The following EIF2AK4 variants were observed in gnomAD, a reference collection of about 807,000 sequenced individuals.
The protein encoded by EIF2AK4 is eIF-2-alpha kinase GCN2.
EIF2AK4 carries 139 observed loss-of-function variants against 211.1 expected under a neutral mutation model. The observed-to-expected ratio is 0.66, with a 90% confidence interval of 0.57 to 0.76. The LOEUF (loss-of-function observed/expected upper bound fraction) is 0.76. EIF2AK4 is among the 30% of genes least tolerant of loss of function. The pLI is 0.00. For synonymous variants in EIF2AK4, 710 were observed against 751.3 expected (o/e 0.94, Z 0.90); for missense variants, 1,664 against 2,043.8 (o/e 0.81, Z 3.58).
intron 34 of EIF2AK4, among the ~76,000 whole-genome samples, chr15:40,029,763 C>T (rs1336564745): frequency 2.6e-5 from 4 of 152,082 alleles, no homozygotes. Context: ...GGAGATTTTC[C>T]TCATACAGAG....
At chr15:39,994,088 AAGG>A (rs2034987188) in intron 18 of EIF2AK4, among the ~76,000 whole-genome samples, 2 of 152,290 alleles carry the variant, frequency 1.3e-5, no homozygotes, top group African/African-American at 2.4e-5. Context: ...ACATAAGAGG[AAGG>A]AGGAGAAGAT....
chr15:39,975,396 A>T (rs988350230), intron 11 of EIF2AK4: 1 of 152,198 alleles, frequency 6.6e-6, no homozygotes, highest in Non-Finnish European at 1.5e-5. Flanking sequence ...GACTTTTATT[A>T]GTTTAATTGA....
At chr15:39,961,460 C>G (rs1459483277) in intron 6 of EIF2AK4, among the ~76,000 whole-genome samples, 1 of 152,198 alleles carries the variant, frequency 6.6e-6, no homozygotes, top group Non-Finnish European at 1.5e-5. Flanking sequence ...TTAAATGTGG[C>G]TACTGCACAT....
chr15:39,993,206 A>G (rs1489381359), intron 18 of EIF2AK4, among the ~76,000 whole-genome samples: 1 of 151,586 alleles, frequency 6.6e-6, no homozygotes, highest in Non-Finnish European at 1.5e-5. Context: ...CCGTCCGTCC[A>G]TCCATCCATC....
At chr15:40,000,337 A>G (rs894865130) in intron 20 of EIF2AK4, among the ~76,000 whole-genome samples, 2 of 152,168 alleles carry the variant, frequency 1.3e-5, no homozygotes, top group Non-Finnish European at 2.9e-5. Context: ...CCATCTAATA[A>G]TTGAGGTTTT....
chr15:39,967,562 C>T lies in EIF2AK4; in HGVS notation c.1236C>T (p.Gly412=). ...LRRYTAQLLS[G]LDYLHSNSVV... ...GGTACACAGCTCAGCTCCTGTCAGG[C>T]CTTGATTATCTGCACAGCAATTCTG... Residue 412 remains glycine (G), a synonymous_variant, in exon 9 of 39, where the codon GGC becomes GGT. Transcript: ENST00000263791. 6.2e-7 allele frequency: 1 copy of T among 1,613,862 alleles called. No individual in the cohort carries two copies. The highest frequency in any genetic ancestry group is 8.5e-7 in the Non-Finnish European group (1 of 1,179,868).
At chr15:40,024,075 C>T (rs1050831675) in intron 32 of EIF2AK4, among the ~76,000 whole-genome samples, 2 of 152,156 alleles carry the variant, frequency 1.3e-5, no homozygotes, top group Non-Finnish European at 2.9e-5. Context: ...TGTTATTATA[C>T]ATGTTTAGGA....
chr15:40,011,155 A>G lies in EIF2AK4; in HGVS notation c.3694-126A>G. On this transcript the variant is annotated intron_variant, in intron 26 of 38. Coordinates refer to ENST00000263791, the MANE Select transcript of EIF2AK4 (RefSeq NM_001013703.4). Reference sequence around the variant, plus strand: ...ATTTTTTAATCACAGAATTCAATCTATCCTGTACCATTAGGAGCAGTTTGT... The same window carrying G: ...ATTTTTTAATCACAGAATTCAATCTGTCCTGTACCATTAGGAGCAGTTTGT... 4.3e-6 allele frequency: 3 copies of G among 704,924 alleles called. No homozygotes were observed. In the South Asian group the frequency reaches 5.5e-5, roughly 13 times the overall value. 43.7% of individuals were successfully genotyped at this position (704,924 alleles called of 1,614,324 possible).
intron 20 of EIF2AK4, among the ~76,000 whole-genome samples, chr15:39,999,972 C>T (rs1333279080): frequency 3.3e-5 from 5 of 152,148 alleles, no homozygotes; most frequent in African/African-American, 1.2e-4. Flanking sequence ...CTGGGCTGTA[C>T]AAATTGGCAC....
chr15:40,002,528 A>G, intron 21 of EIF2AK4, 185 bp from the exon 22 acceptor site: 1 of 551,638 alleles, frequency 1.8e-6, no homozygotes, highest in Non-Finnish European at 3.2e-6. Flanking sequence ...CTTGCTTTCC[A>G]AAGCAGGCCA....
Position 39,967,534 on chromosome 15 carries a change from G to A in EIF2AK4, c.1208G>A (p.Arg403His), listed in dbSNP as rs765950157. The change falls in exon 9 of 39, where the codon CGC becomes CAC. Residue 403 changes from arginine (R) to histidine (H), a missense_variant. Coordinates refer to ENST00000263791, the MANE Select transcript of EIF2AK4 (RefSeq NM_001013703.4). ...GGCCCCATCCCTGTGCATCAGCTTC[G>A]CAGGTACACAGCTCAGCTCCTGTCA... ...HSGPIPVHQL[R>H]RYTAQLLSGL... 16 of 1,613,760 alleles carry A rather than the reference G, an allele frequency of 9.9e-6. No homozygotes were observed. In the Admixed American group the frequency reaches 1.0e-4, roughly 10 times the overall value.
chr15:40,023,025 C>T (rs1357314464), intron 32 of EIF2AK4, among the ~76,000 whole-genome samples: 1 of 152,162 alleles, frequency 6.6e-6, no homozygotes, highest in East Asian at 1.9e-4. Flanking sequence ...CCGCGCCCGG[C>T]CGTTGTTGGG....
chr15:39,934,291 C>T lies in EIF2AK4; in HGVS notation c.96C>T (p.Ala32=), dbSNP rs780909041. ...ACCACGAGCTACAGGCCCTGGAGGCCATTTACGGCGCGGACTTCCAAGACC... is the reference window on the plus strand; with the variant it reads ...ACCACGAGCTACAGGCCCTGGAGGCTATTTACGGCGCGGACTTCCAAGACC... ...RQDHELQALE[A]IYGADFQDLR... The change falls in exon 1 of 39, where the codon GCC becomes GCT. Residue 32 remains alanine (A), a synonymous_variant. Coordinates refer to ENST00000263791, the MANE Select transcript of EIF2AK4 (RefSeq NM_001013703.4). The T allele has an allele frequency of 6.2e-7, 1 of 1,612,188 alleles. No homozygotes were observed. Among genetic ancestry groups the T allele is most frequent in the Admixed American group, 1.7e-5 (1 of 59,890 alleles).
intron 4 of EIF2AK4, among the ~76,000 whole-genome samples, chr15:39,950,783 G>A (rs886612588): frequency 6.6e-6 from 1 of 151,994 alleles, no homozygotes; most frequent in Non-Finnish European, 1.5e-5. Flanking sequence ...ACCTTGTTAG[G>A]ACATCAGCAC....
At chr15:39,990,918 A>G (rs2034935033) in intron 16 of EIF2AK4, among the ~76,000 whole-genome samples, 1 of 152,224 alleles carries the variant, frequency 6.6e-6, no homozygotes, top group Non-Finnish European at 1.5e-5. Flanking sequence ...GCCCCGGGGT[A>G]AGCAGACTTG....
Position 39,976,606 on chromosome 15 carries a change from G to A in EIF2AK4, c.2011G>A (p.Asp671Asn). 4 of 1,608,546 alleles carry A rather than the reference G, an allele frequency of 2.5e-6. No homozygotes were observed. Among genetic ancestry groups the A allele is most frequent in the Non-Finnish European group, 3.4e-6 (4 of 1,178,110 alleles). ...RPAGPGTPPP[D>N]SGPLAKDDRA... ...GGCGGGACCGGGGACGCCGCCCCCG[G>A]ACTCCGGGCCCCTGGCCAAGGATGA... Residue 671 changes from aspartate (D) to asparagine (N), a missense_variant, in exon 12 of 39, where the codon GAC becomes AAC. Transcript: ENST00000263791.
chr15:39,974,964 A>G (rs1385961134), intron 11 of EIF2AK4: 1 of 152,088 alleles, frequency 6.6e-6, no homozygotes, highest in Non-Finnish European at 1.5e-5. Context: ...AGCAAGCTTT[A>G]CTCCCAACCC....
In EIF2AK4 at chr15:39,978,119, A is replaced by G; in HGVS notation, c.2291A>G (p.Glu764Gly). The G allele has an allele frequency of 6.3e-7, 1 of 1,593,894 alleles. No homozygotes were observed. Among genetic ancestry groups the G allele is most frequent in the Non-Finnish European group, 8.6e-7 (1 of 1,166,498 alleles). Residue 764 changes from glutamate (E) to glycine (G), a missense_variant, in exon 13 of 39, where the codon GAA (glutamate) becomes GGA (glycine). Transcript: ENST00000263791. ...DSESDIIFDN[E>G]DENSKSQNQD... The stretch of plus-strand genomic sequence containing the variant: ...GAAAGTGATATTATCTTTGACAATG[A>G]AGATGAGAACAGTAAAAGTCAGAAT...
intron 29 of EIF2AK4, among the ~76,000 whole-genome samples, chr15:40,017,501 C>CTATATATATATATATA (rs202237104): frequency 3.5e-4 from 9 of 26,076 alleles, no homozygotes; most frequent in African/African-American, 6.3e-4. Context: ...TACTCTGTTT[C>CTATATATATATATATA]TATATATATA....
Sources: allele counts gnomAD v4.1 joint callset (sites outside exome capture counted in the v4.1 genomes callset), GRCh38; gene constraint gnomAD v4.1.1; transcripts MANE v1.5; gene names NCBI Gene and HGNC (gene_info 2026-07-23, HGNC 2026-07-21).